The following DMBT1 variants were observed in gnomAD, a reference collection of about 807,000 sequenced individuals.
The protein encoded by DMBT1 is deleted in malignant brain tumors 1.
In DMBT1, 198 loss-of-function variants were observed where a neutral mutation model predicts 252.9. The observed-to-expected ratio is 0.78, with a 90% CI of 0.70 to 0.88. The LOEUF is 0.88. Among genes scored for constraint, DMBT1 ranks in the 40% least tolerant of loss-of-function variants. The pLI is 0.00. For missense variants in DMBT1, 2,432 were observed against 2,404.7 expected (o/e 1.01, Z -0.24); for synonymous variants, 990 against 942.7 (o/e 1.05, Z -0.92).
chr10:122,578,527 G>T (rs565356174), intron 8 of DMBT1, among the ~76,000 whole-genome samples, 191 bp from the exon 9 acceptor site: 1 of 152,260 alleles, frequency 6.6e-6, no homozygotes, highest in Admixed American at 6.5e-5. Flanking sequence ...AGGTGGAAGG[G>T]CCTGCATGGT....
rs774618624 is a variant in DMBT1, at chr10:122,631,848, T to G, written c.6347-7T>G. 9.9e-6 allele frequency: 16 copies of G among 1,613,792 alleles called. No homozygotes were observed. The South Asian group carries it at 1.5e-4, about 16-fold the overall frequency. On this transcript the variant is annotated splice_polypyrimidine_tract_variant and splice_region_variant and intron_variant, in intron 49 of 55. Coordinates refer to ENST00000338354, the MANE Select transcript of DMBT1 (RefSeq NM_001377530.1). ...TGACCTATGCTTTTTTTCTATTCCT[T>G]TTTCAGGAAACCATCTATCGACACC...
At chr10:122,620,634 G>A (rs1162917104) in intron 43 of DMBT1, among the ~76,000 whole-genome samples, 2 of 152,234 alleles carry the variant, frequency 1.3e-5, no homozygotes, top group Non-Finnish European at 2.9e-5. Flanking sequence ...GAAAGTGCCT[G>A]TCCCCATAGC....
chr10:122,585,783 G>T (rs2097784366), intron 15 of DMBT1, among the ~76,000 whole-genome samples: 4 of 148,642 alleles, frequency 2.7e-5, no homozygotes, highest in Non-Finnish European at 6.0e-5. Flanking sequence ...TAGCTGTGTA[G>T]CTCCATCCTG....
Position 122,636,208 on chromosome 10 carries a change from C to T in DMBT1, c.6757+9C>T, listed in dbSNP as rs757216281. The stretch of plus-strand genomic sequence containing the variant: ...CTCCAATGACAGCACCAGTAAGTCC[C>T]CTTGTGGAAATGCTCTGTTGGGACT... On this transcript the variant is annotated intron_variant, in intron 53 of 55. Transcript: ENST00000338354. The T allele has an allele frequency of 6.2e-7, 1 of 1,609,118 alleles. No homozygotes were observed. Among genetic ancestry groups the T allele is most frequent in the Non-Finnish European group, 8.5e-7 (1 of 1,176,214 alleles).
Position 122,576,559 on chromosome 10 carries a change from C to T in DMBT1, c.444C>T (p.Ala148=). The stretch of plus-strand genomic sequence containing the variant: ...GTAGGCAGCTGGGTTGTGGCTGGGC[C>T]ATGTCAGCTCCAGGAAATGCCTGGT... ...VVCRQLGCGW[A]MSAPGNAWFG... The change falls in exon 7 of 56, where the codon GCC becomes GCT. Residue 148 remains alanine (A), a synonymous_variant. Coordinates refer to ENST00000338354, the MANE Select transcript of DMBT1 (RefSeq NM_001377530.1). 1 of 1,613,942 alleles carries T rather than the reference C, an allele frequency of 6.2e-7. No individual in the cohort carries two copies. The highest frequency in any genetic ancestry group is 8.5e-7 in the Non-Finnish European group (1 of 1,179,872).
chr10:122,631,837 T>C lies in DMBT1; in HGVS notation c.6347-18T>C. On this transcript the variant is annotated intron_variant, in intron 49 of 55. Transcript: ENST00000338354. ...CCACATGTCTGTGACCTATGCTTTTTTTCTATTCCTTTTTCAGGAAACCAT... is the reference window on the plus strand; with the variant it reads ...CCACATGTCTGTGACCTATGCTTTTCTTCTATTCCTTTTTCAGGAAACCAT... 1.2e-6 allele frequency: 2 copies of C among 1,613,852 alleles called. No individual in the cohort carries two copies. Among genetic ancestry groups the C allele is most frequent in the Non-Finnish European group, 8.5e-7 (1 of 1,179,828 alleles).
chr10:122,578,785 G>C, intron 9 of DMBT1, 26 bp downstream of exon 9: 4 of 1,592,414 alleles, frequency 2.5e-6, no homozygotes, highest in Non-Finnish European at 3.4e-6. Context: ...AACACTCCCT[G>C]GGGCTCACTT....
In DMBT1 at chr10:122,630,428, T is replaced by G. The variant is rs1271089354; in HGVS notation, c.5963T>G (p.Phe1988Cys). ...TSSYNRMTIH[F>C]RSDISFQNTG... The stretch of plus-strand genomic sequence containing the variant: ...TCTTACAACCGAATGACCATTCACT[T>G]TCGAAGTGACATCAGTTTCCAAAAC... The change falls in exon 48 of 56, where the codon TTT becomes TGT. Residue 1988 changes from phenylalanine to cysteine, a missense_variant. This residue lies in a region of DMBT1 where 1,162 missense variants were observed against 1,169.0 expected (regional missense o/e 0.99). Transcript: ENST00000338354. 1.2e-6 allele frequency: 2 copies of G among 1,613,958 alleles called. No individual in the cohort carries two copies. The highest frequency in any genetic ancestry group is 1.1e-5 in the South Asian group (1 of 91,070).
chr10:122,598,726 C>T lies in DMBT1; in HGVS notation c.2957-48C>T, dbSNP rs181355875. On this transcript the variant is annotated intron_variant, in intron 25 of 55. Coordinates refer to ENST00000338354, the MANE Select transcript of DMBT1 (RefSeq NM_001377530.1). ...TGAGTGTGGAACATTCCTTAGATTC[C>T]TGACCTCATGATAGGGATGGATGAA... 6.3e-4 allele frequency: 1,008 copies of T among 1,611,824 alleles called. 4 individuals carry two copies. In the African/African-American group the frequency reaches 0.011, roughly 17 times the overall value.
intron 41 of DMBT1, among the ~76,000 whole-genome samples, chr10:122,619,104 G>A (rs74160006): frequency 0.026 from 4,001 of 152,240 alleles, 179 homozygotes; most frequent in African/African-American, 0.089. Context: ...TACTCACCTC[G>A]GAGCTGACAA....
At chr10:122,577,587 C>A (rs1012138186) in intron 7 of DMBT1, among the ~76,000 whole-genome samples, 7 of 152,122 alleles carry the variant, frequency 4.6e-5, no homozygotes, top group Non-Finnish European at 8.8e-5. Context: ...CCGAAGTGAC[C>A]TTCATATCCC....
intron 10 of DMBT1, 125 bp downstream of exon 10, chr10:122,580,026 G>A: frequency 2.0e-6 from 3 of 1,515,080 alleles, no homozygotes; most frequent in Non-Finnish European, 2.7e-6. Context: ...AGACTTGTCA[G>A]CTCTCTGCTA....
chr10:122,573,045 T>C (rs1265731738), intron 5 of DMBT1, among the ~76,000 whole-genome samples: 1 of 152,196 alleles, frequency 6.6e-6, no homozygotes, highest in Non-Finnish European at 1.5e-5. Flanking sequence ...GAGGTTTTTT[T>C]AATTCACAAA....
At chr10:122,631,431 G>T (rs1242637544) in intron 49 of DMBT1, 150 bp downstream of exon 49, 66 of 1,020,630 alleles carry the variant, frequency 6.5e-5, no homozygotes, top group Non-Finnish European at 8.9e-5. Flanking sequence ...CATGCAGGGG[G>T]CTGCTTTATC....
At chr10:122,600,126 C>T (rs1168342797) in intron 27 of DMBT1, 33 bp downstream of exon 27, 1 of 1,602,140 alleles carries the variant, frequency 6.2e-7, no homozygotes, top group Non-Finnish European at 8.5e-7. Context: ...CAAAATGTCC[C>T]TTCTCTTTCT....
chr10:122,625,811 T>C (rs2098114646), intron 45 of DMBT1, 122 bp from the exon 46 acceptor site: 1 of 813,120 alleles, frequency 1.2e-6, no homozygotes, highest in African/African-American at 1.7e-5. Flanking sequence ...TAAACTGGAA[T>C]GGTCAAGGCT....
At chr10:122,590,769 C>T (rs984098720) in intron 18 of DMBT1, 75 bp downstream of exon 18, 7 of 1,521,654 alleles carry the variant, frequency 4.6e-6, no homozygotes, top group South Asian at 1.2e-5. Flanking sequence ...TTCCACAGAG[C>T]CCTCCTTCTT....
chr10:122,641,143 G>C (rs1226218049), intron 55 of DMBT1, among the ~76,000 whole-genome samples: 1 of 152,210 alleles, frequency 6.6e-6, no homozygotes, highest in African/African-American at 2.4e-5. Flanking sequence ...AGGAGGTGCA[G>C]AGGTCAGGCC....
At chr10:122,642,269 G>T (rs1322504402) in intron 55 of DMBT1, among the ~76,000 whole-genome samples, 1 of 152,198 alleles carries the variant, frequency 6.6e-6, no homozygotes, top group South Asian at 2.1e-4. Flanking sequence ...GACAGAAGGA[G>T]GGGAGCAGAT....
Sources: allele counts gnomAD v4.1 joint callset (sites outside exome capture counted in the v4.1 genomes callset), GRCh38; gene constraint gnomAD v4.1.1; regional missense constraint gnomAD v4.1.1; transcripts MANE v1.5; gene names NCBI Gene and HGNC (gene_info 2026-07-23, HGNC 2026-07-21).